The following EPHA5 variants were observed in gnomAD, a reference collection of about 807,000 sequenced individuals.
EPHA5 encodes ephrin type-A receptor 5.
In EPHA5, 60 loss-of-function variants were observed where a neutral mutation model predicts 105.0. That is an observed-to-expected ratio of 0.57 (90% CI 0.46 to 0.71). The LOEUF (loss-of-function observed/expected upper bound fraction) is 0.71. Among genes scored for constraint, EPHA5 ranks in the 30% least tolerant of loss-of-function variants. EPHA5 has a pLI of 0.00. For missense variants in EPHA5, 1,218 were observed against 1,274.7 expected (o/e 0.96, Z 0.68); for synonymous variants, 513 against 449.1 (o/e 1.14, Z -1.80).
intron 11 of EPHA5, among the ~76,000 whole-genome samples, chr4:65,359,353 T>G (rs1717040740): frequency 6.6e-6 from 1 of 151,668 alleles, no homozygotes; most frequent in African/African-American, 2.4e-5. Context: ...TCTTGTGAAG[T>G]GGAAGATATA....
intron 2 of EPHA5, among the ~76,000 whole-genome samples, chr4:65,614,644 ATGCTT>A (rs1745065597): frequency 6.6e-6 from 1 of 151,886 alleles, no homozygotes; most frequent in African/African-American, 2.4e-5. Context: ...ATATAGGCTA[ATGCTT>A]CATACATTTA....
intron 3 of EPHA5, among the ~76,000 whole-genome samples, chr4:65,519,843 G>C (rs535610667): frequency 1.3e-5 from 2 of 152,100 alleles, no homozygotes; most frequent in East Asian, 1.9e-4. Flanking sequence ...CCTCTTCAAG[G>C]AGAACTACAA....
chr4:65,328,634 G>C (rs1720307177), intron 16 of EPHA5, among the ~76,000 whole-genome samples: 1 of 105,238 alleles, frequency 9.5e-6, no homozygotes, highest in South Asian at 4.1e-4. Context: ...TTATCATGCA[G>C]TTGTATGTTT....
intron 5 of EPHA5, among the ~76,000 whole-genome samples, chr4:65,476,336 G>A (rs1180496306): frequency 1.3e-5 from 2 of 151,818 alleles, no homozygotes; most frequent in Non-Finnish European, 2.9e-5. Context: ...CTCTAGAATG[G>A]GTTCAGTCAC....
At chr4:65,442,230 G>C (rs1726087649) in intron 5 of EPHA5, among the ~76,000 whole-genome samples, 3 of 152,088 alleles carry the variant, frequency 2.0e-5, no homozygotes, top group Admixed American at 1.3e-4. Context: ...CTTCAGTGAG[G>C]TCATTAGGGT....
chr4:65,465,245 G>C (rs1210051385), intron 5 of EPHA5, among the ~76,000 whole-genome samples: 1 of 151,770 alleles, frequency 6.6e-6, no homozygotes, highest in East Asian at 1.9e-4. Context: ...AGACCAGCCT[G>C]GTCAAATAGT....
chr4:65,614,108 C>T (rs992316507), intron 2 of EPHA5, among the ~76,000 whole-genome samples: 4 of 151,818 alleles, frequency 2.6e-5, no homozygotes, highest in African/African-American at 7.2e-5. Context: ...TTTATTATTC[C>T]TACTGGCGTC....
chr4:65,427,626 GA>G (rs1724573835), intron 5 of EPHA5, among the ~76,000 whole-genome samples: 1 of 152,112 alleles, frequency 6.6e-6, no homozygotes, highest in South Asian at 2.1e-4. Flanking sequence ...CACAAAGGTG[GA>G]AAAGGGAAGA....
At chr4:65,563,333 C>A (rs1191403801) in intron 3 of EPHA5, among the ~76,000 whole-genome samples, 1 of 151,972 alleles carries the variant, frequency 6.6e-6, no homozygotes, top group Non-Finnish European at 1.5e-5. Flanking sequence ...GTCTTCAGTT[C>A]CTTCACTCAA....
At chr4:65,583,998 T>A (rs1042434139) in intron 3 of EPHA5, among the ~76,000 whole-genome samples, 3 of 151,670 alleles carry the variant, frequency 2.0e-5, no homozygotes, top group African/African-American at 7.2e-5. Flanking sequence ...ATGCTAAGTA[T>A]AAATTGTAAA....
intron 3 of EPHA5, among the ~76,000 whole-genome samples, chr4:65,533,214 T>A (rs72642613): frequency 6.6e-6 from 1 of 151,906 alleles, no homozygotes; most frequent in African/African-American, 2.4e-5. Context: ...GTAGGCTTGC[T>A]GCTTAAGGCT....
intron 16 of EPHA5, among the ~76,000 whole-genome samples, chr4:65,326,688 A>C (rs1720109799): frequency 6.6e-6 from 1 of 151,348 alleles, no homozygotes; most frequent in African/African-American, 2.4e-5. Context: ...TTTAATTAGG[A>C]CTAGAAACAA....
chr4:65,609,993 A>G (rs1045514875), intron 2 of EPHA5, among the ~76,000 whole-genome samples: 3 of 152,252 alleles, frequency 2.0e-5, no homozygotes, highest in African/African-American at 7.2e-5. Context: ...TGTCATAAAC[A>G]CTTCAAATTT....
chr4:65,364,367 A>C (rs1394482983), intron 11 of EPHA5, among the ~76,000 whole-genome samples: 1 of 151,682 alleles, frequency 6.6e-6, no homozygotes, highest in African/African-American at 2.4e-5. Context: ...TTACTTGTTG[A>C]CTGAAAATGA....
At chr4:65,344,893 A>G (rs978630702) in intron 14 of EPHA5, among the ~76,000 whole-genome samples, 2 of 152,176 alleles carry the variant, frequency 1.3e-5, no homozygotes, top group African/African-American at 4.8e-5. Flanking sequence ...ATTGGTTAGA[A>G]ATGAAAGAGA....
intron 5 of EPHA5, among the ~76,000 whole-genome samples, chr4:65,421,364 A>G (rs1723931505): frequency 6.6e-6 from 1 of 152,252 alleles, no homozygotes; most frequent in African/African-American, 2.4e-5. Context: ...ATAGAATAGT[A>G]ATCTATGGGC....
intron 3 of EPHA5, among the ~76,000 whole-genome samples, chr4:65,507,528 C>A (rs1055913649): frequency 6.6e-6 from 1 of 152,090 alleles, no homozygotes; most frequent in African/African-American, 2.4e-5. Flanking sequence ...TTGTTTGTAA[C>A]CTCTTTTATT....
At chr4:65,566,907 C>A (rs1307646089) in intron 3 of EPHA5, among the ~76,000 whole-genome samples, 1 of 151,354 alleles carries the variant, frequency 6.6e-6, no homozygotes, top group Non-Finnish European at 1.5e-5. Flanking sequence ...ATAACGGAGG[C>A]TTGTTTTTGA....
intron 5 of EPHA5, among the ~76,000 whole-genome samples, chr4:65,456,536 A>G (rs1727609218): frequency 6.6e-6 from 1 of 152,166 alleles, no homozygotes; most frequent in Non-Finnish European, 1.5e-5. Context: ...TTTTTAACCA[A>G]TCTCACATGC....
Sources: allele counts gnomAD v4.1 joint callset (sites outside exome capture counted in the v4.1 genomes callset), GRCh38; gene constraint gnomAD v4.1.1; transcripts MANE v1.5; gene names NCBI Gene and HGNC (gene_info 2026-07-23, HGNC 2026-07-21).